The following RPL6 variants were observed in gnomAD, a reference collection of about 807,000 sequenced individuals.
RPL6 encodes ribosomal protein L6, also known as large ribosomal subunit protein eL6.
RPL6 carries 1 observed loss-of-function variant against 32.1 expected under a neutral mutation model. That is an observed-to-expected ratio of 0.03 (90% CI 0.01 to 0.15). RPL6 has a LOEUF of 0.15. Among genes scored for constraint, RPL6 ranks in the 10% least tolerant of loss-of-function variants. RPL6 has a pLI of 1.00. For synonymous variants in RPL6, 126 were observed against 131.6 expected (o/e 0.96, Z 0.29); for missense variants, 275 against 354.6 (o/e 0.78, Z 1.80).
In RPL6 at chr12:112,405,863, G is replaced by C. The variant is rs1266493411; in HGVS notation, c.704C>G (p.Thr235Arg). The C allele has an allele frequency of 1.2e-6, 2 of 1,610,574 alleles. No homozygotes were observed. The highest frequency in any genetic ancestry group is 1.7e-5 in the Admixed American group (1 of 59,066). Residue 235 changes from threonine to arginine, a missense_variant, in exon 6 of 7, where the codon ACA (threonine) becomes AGA (arginine). Coordinates refer to ENST00000202773, the MANE Select transcript of RPL6 (RefSeq NM_000970.6). ...CAAGTAGAAACTTACCTCTTTTTCTGTGTCGAAGATCTCACCTTCCTGGTG... is the reference window on the plus strand; with the variant it reads ...CAAGTAGAAACTTACCTCTTTTTCTCTGTCGAAGATCTCACCTTCCTGGTG... The part of the protein sequence containing the change: ...PRHQEGEIFD[T>R]EKEKYEITEQ...
chr12:112,407,385 A>C (rs1469681865), intron 3 of RPL6: 1 of 155,166 alleles, frequency 6.4e-6, no homozygotes, highest in Non-Finnish European at 1.4e-5. Flanking sequence ...GACACCATGC[A>C]AGGGCCATTA....
At chr12:112,408,742 C>T in intron 1 of RPL6, 86 bp from the exon 2 acceptor site, 1 of 1,183,594 alleles carries the variant, frequency 8.4e-7, no homozygotes, top group Admixed American at 2.4e-5. Flanking sequence ...CATGAATGGG[C>T]TGGGCTCCCC....
intron 1 of RPL6, chr12:112,409,153 G>A: frequency 3.5e-6 from 1 of 285,106 alleles, no homozygotes. Context: ...GAAAAAGATC[G>A]CAAAGACCAA....
upstream of RPL6, among the ~76,000 whole-genome samples, chr12:112,412,955 TAAATAGAA>T (rs1217782835): frequency 3.7e-4 from 55 of 149,926 alleles, no homozygotes; most frequent in African/African-American, 1.3e-3. Context: ...AATAAATAAA[TAAATAGAA>T]AAATATCTTT....
At chr12:112,415,421 C>CT (rs1389319057) in intron 1 of RPL6, among the ~76,000 whole-genome samples, 1 of 151,788 alleles carries the variant, frequency 6.6e-6, no homozygotes, top group African/African-American at 2.4e-5. Context: ...TTTTTTTAAA[C>CT]TTTTTTTTGG....
At chr12:112,410,090 C>T (rs1307968894), upstream of RPL6, among the ~76,000 whole-genome samples, 3 of 151,584 alleles carry the variant, frequency 2.0e-5, no homozygotes, top group Non-Finnish European at 2.9e-5. Context: ...TGCGTGCCAC[C>T]GCACTCCAGC....
upstream of RPL6, among the ~76,000 whole-genome samples, chr12:112,410,649 C>T (rs1464050606): frequency 3.0e-5 from 4 of 134,028 alleles, no homozygotes; most frequent in East Asian, 2.4e-4. Context: ...TCTTGGCTCA[C>T]GGCAACCTCT....
intron 1 of RPL6, 182 bp downstream of exon 1, chr12:112,409,405 C>T: frequency 2.5e-6 from 1 of 398,586 alleles, no homozygotes; most frequent in Non-Finnish European, 4.4e-6. Flanking sequence ...CGGCATTCTA[C>T]CTCACCCTCT....
intron 3 of RPL6, chr12:112,407,693 T>C (rs538782698): frequency 7.0e-5 from 11 of 156,050 alleles, no homozygotes; most frequent in Non-Finnish European, 1.6e-4. Context: ...GAACAGGCTA[T>C]GTATTATTTC....
chr12:112,409,533 C>T (rs142640768), intron 1 of RPL6, 54 bp downstream of exon 1: 78 of 398,510 alleles, frequency 2.0e-4, no homozygotes, highest in African/African-American at 1.5e-3. Context: ...GTTCGGATGG[C>T]GAAGGATTGG....
upstream of RPL6, among the ~76,000 whole-genome samples, chr12:112,414,052 T>C (rs918656680): frequency 1.2e-4 from 19 of 152,222 alleles, 1 homozygote; most frequent in African/African-American, 4.6e-4. Context: ...AGTGAAAGAA[T>C]GTTTTCTGGA....
chr12:112,413,863 T>TAAA (rs749770603), upstream of RPL6, among the ~76,000 whole-genome samples: 1 of 131,940 alleles, frequency 7.6e-6, no homozygotes, highest in African/African-American at 2.8e-5. Context: ...CTGTCTGTAT[T>TAAA]AAAAAAAAAA....
intron 1 of RPL6, chr12:112,418,337 G>C (rs2037452246): frequency 6.5e-6 from 1 of 153,732 alleles, no homozygotes; most frequent in African/African-American, 2.4e-5. Context: ...GCAGTGGCGT[G>C]ATCACGACTC....
chr12:112,408,801 T>C (rs1031680908), intron 1 of RPL6, 145 bp from the exon 2 acceptor site: 6 of 675,574 alleles, frequency 8.9e-6, no homozygotes, highest in South Asian at 5.8e-5. Context: ...TCTCAAACTC[T>C]ACCCATTCTA....
At position 112,408,439 on chromosome 12, in the gene RPL6, T is replaced by C. The variant is rs1260912601; in HGVS notation, c.218A>G (p.Tyr73Cys). Reference sequence around the variant, plus strand: ...CCTTACCTTGGATTTAGCGGCTGAGTACTTCCTCTTGTACATGGCCTTTCT... The same window carrying C: ...CCTTACCTTGGATTTAGCGGCTGAGCACTTCCTCTTGTACATGGCCTTTCT... The part of the protein sequence containing the change: ...YSRKAMYKRK[Y>C]SAAKSKVEKK... Residue 73 changes from tyrosine (Y) to cysteine (C), a missense_variant, in exon 2 of 7, where the codon TAC becomes TGC. Physicochemically the swap from Tyr to Cys is radical, Grantham distance 194. Coordinates refer to ENST00000202773, the MANE Select transcript of RPL6 (RefSeq NM_000970.6). 1 of 1,614,162 alleles carries C rather than the reference T, an allele frequency of 6.2e-7. No individual in the cohort carries two copies.
chr12:112,411,860 A>T (rs2037344141), upstream of RPL6, among the ~76,000 whole-genome samples: 1 of 152,054 alleles, frequency 6.6e-6, no homozygotes, highest in African/African-American at 2.4e-5. Flanking sequence ...CACAAAGCAG[A>T]CATTTTTGCA....
chr12:112,408,466 G>C lies in RPL6; in HGVS notation c.191C>G (p.Ser64Cys). 2.5e-6 allele frequency: 4 copies of C among 1,614,142 alleles called. No individual in the cohort carries two copies. Among genetic ancestry groups the C allele is most frequent in the Non-Finnish European group, 3.4e-6 (4 of 1,180,024 alleles). Residue 64 changes from serine to cysteine, a missense_variant, in exon 2 of 7, where the codon TCC becomes TGC. By Grantham distance (112) the Ser-to-Cys change is moderately radical. Transcript: ENST00000202773. Reference sequence around the variant, plus strand: ...CTTCCTCTTGTACATGGCCTTTCTGGAATACATGGCAGATCGGGAATACCT... The same window carrying C: ...CTTCCTCTTGTACATGGCCTTTCTGCAATACATGGCAGATCGGGAATACCT... ...IGRYSRSAMY[S>C]RKAMYKRKYS... is the part of the protein sequence containing the mutation.
chr12:112,407,072 G>A, intron 3 of RPL6, 182 bp from the exon 4 acceptor site: 1 of 588,668 alleles, frequency 1.7e-6, no homozygotes, highest in Non-Finnish European at 2.9e-6. Flanking sequence ...TCTGCATCCT[G>A]TGTGCAAAAA....
At chr12:112,411,593 C>T (rs2037342286), upstream of RPL6, among the ~76,000 whole-genome samples, 1 of 152,208 alleles carries the variant, frequency 6.6e-6, no homozygotes, top group South Asian at 2.1e-4. Flanking sequence ...ATGAGATGCA[C>T]AGTTGCTTAC....
Sources: allele counts gnomAD v4.1 joint callset (sites outside exome capture counted in the v4.1 genomes callset), GRCh38; gene constraint gnomAD v4.1.1; transcripts MANE v1.5; gene names NCBI Gene and HGNC (gene_info 2026-07-23, HGNC 2026-07-21).